GRM7: variants seen among roughly 807,000 people sequenced by gnomAD.
GRM7 encodes metabotropic glutamate receptor 7.
In GRM7, 35 loss-of-function variants were observed where a neutral mutation model predicts 84.5. The ratio of observed to expected loss-of-function variants is 0.41; its 90% CI spans 0.32 to 0.55. The LOEUF (loss-of-function observed/expected upper bound fraction) is 0.55, where lower values mean the gene tolerates loss of function less well. Among genes scored for constraint, GRM7 ranks in the 20% least tolerant of loss-of-function variants. GRM7 has a pLI of 0.19. For missense variants in GRM7, 1,003 were observed against 1,194.6 expected (o/e 0.84, Z 2.36); for synonymous variants, 487 against 455.1 (o/e 1.07, Z -0.89).
At chr3:7,679,599 A>G (rs770319005) in intron 8 of GRM7, among the ~76,000 whole-genome samples, 10 of 152,208 alleles carry the variant, frequency 6.6e-5, no homozygotes, top group South Asian at 2.1e-4. Flanking sequence ...AGAGACATAC[A>G]TTAAGATAAA....
At chr3:7,268,551 C>A (rs761715040) in intron 2 of GRM7, among the ~76,000 whole-genome samples, 41 of 152,180 alleles carry the variant, frequency 2.7e-4, no homozygotes, top group South Asian at 4.1e-4. Flanking sequence ...GTTTTAAGAT[C>A]TAACTGACCT....
At chr3:7,082,738 T>C (rs1038713598) in intron 1 of GRM7, among the ~76,000 whole-genome samples, 1 of 152,098 alleles carries the variant, frequency 6.6e-6, no homozygotes, top group African/African-American at 2.4e-5. Context: ...AAATTCAACA[T>C]GAACAGGAGT....
rs1499078 is a variant in GRM7 at position 7,486,509 on chromosome 3, A to G, written c.1515+24787A>G. 0.38 allele frequency among the ~76,000 whole-genome samples: 58,365 copies of G among 151,738 alleles called. 11,776 individuals carry two copies. Among genetic ancestry groups the G allele is most frequent in the East Asian group, 0.52 (2,676 of 5,126 alleles). On this transcript the variant is annotated intron_variant, in intron 7 of 9. Transcript: ENST00000357716. The surrounding 1 kb of genome is among the most constrained non-coding windows in gnomAD (Gnocchi z 5.5). Reference sequence around the variant, plus strand: ...AATGCAGTCACTGGGAGAGTGAGTGAGTTTTTGCTTTCCTGGACTGGATTA... The same window carrying G: ...AATGCAGTCACTGGGAGAGTGAGTGGGTTTTTGCTTTCCTGGACTGGATTA...
Position 7,578,753 on chromosome 3 carries a change from A to G in GRM7, c.1847A>G (p.Asn616Ser). 6.2e-7 allele frequency: 1 copy of G among 1,614,004 alleles called. No homozygotes were observed. Among genetic ancestry groups the G allele is most frequent in the Non-Finnish European group, 8.5e-7 (1 of 1,179,958 alleles). Residue 616 changes from asparagine to serine, a missense_variant, in exon 8 of 10, where the codon AAT (asparagine) becomes AGT (serine). This residue lies in a region of GRM7 where 910 missense variants were observed against 1,126.0 expected (regional missense o/e 0.81). Transcript: ENST00000357716. ...IFVMATFIRY[N>S]DTPIVRASGR... ...GTCATGGCCACTTTCATCCGCTACA[A>G]TGACACGCCCATTGTCCGGGCATCT...
chr3:7,262,998 G>C (rs1197610660), intron 2 of GRM7, among the ~76,000 whole-genome samples: 3 of 152,222 alleles, frequency 2.0e-5, no homozygotes, highest in African/African-American at 7.2e-5. Context: ...CACCTGGCCT[G>C]GGCTTTTTGA....
chr3:7,392,688 G>A (rs771768326), intron 4 of GRM7, among the ~76,000 whole-genome samples: 44 of 152,240 alleles, frequency 2.9e-4, no homozygotes, highest in Non-Finnish European at 4.4e-4. Context: ...ACTCCTTTTT[G>A]GTTGAGTGGT....
At chr3:7,293,126 A>G (rs138273089) in intron 2 of GRM7, among the ~76,000 whole-genome samples, 30 of 152,266 alleles carry the variant, frequency 2.0e-4, no homozygotes, top group Admixed American at 5.2e-4. Context: ...AGAATCATCA[A>G]TAGAGCTGCA....
intron 2 of GRM7, among the ~76,000 whole-genome samples, chr3:7,149,537 T>C (rs1417059930): frequency 6.6e-6 from 1 of 152,182 alleles, no homozygotes; most frequent in Non-Finnish European, 1.5e-5. Context: ...CTTTTTTCTT[T>C]ACCTGCAGGC....
intron 4 of GRM7, among the ~76,000 whole-genome samples, chr3:7,340,417 A>G (rs537297803): frequency 1.1e-4 from 17 of 152,204 alleles, no homozygotes; most frequent in African/African-American, 3.8e-4. Flanking sequence ...GAGAGTGTGT[A>G]TGGGAAGCAA....
chr3:7,026,587 A>C (rs562424954), intron 1 of GRM7, among the ~76,000 whole-genome samples: 1 of 152,226 alleles, frequency 6.6e-6, no homozygotes, highest in Non-Finnish European at 1.5e-5. Context: ...ACGTAAAAGA[A>C]AAACATCTTC....
chr3:7,374,767 A>G (rs1220717567), intron 4 of GRM7, among the ~76,000 whole-genome samples: 2 of 151,838 alleles, frequency 1.3e-5, no homozygotes, highest in African/African-American at 2.4e-5. Context: ...CTGGGATTAC[A>G]GGCTTGAGCC....
At chr3:7,614,753 A>C (rs2125082720) in intron 8 of GRM7, among the ~76,000 whole-genome samples, 1 of 152,348 alleles carries the variant, frequency 6.6e-6, no homozygotes, top group South Asian at 2.1e-4. Context: ...AATAAAAATT[A>C]TTACTTTCAT....
chr3:7,134,163 A>G (rs1011732901), intron 1 of GRM7, among the ~76,000 whole-genome samples: 6 of 152,220 alleles, frequency 3.9e-5, no homozygotes, highest in African/African-American at 1.4e-4. Context: ...GGATCGTAAG[A>G]TTAGCGTCAT....
chr3:7,610,180 T>G (rs1696785208), intron 8 of GRM7, among the ~76,000 whole-genome samples: 1 of 152,206 alleles, frequency 6.6e-6, no homozygotes, highest in Admixed American at 6.5e-5. Flanking sequence ...AAACTTTAAG[T>G]CTACAGCAGC....
chr3:7,618,670 A>G (rs1417368578), intron 8 of GRM7, among the ~76,000 whole-genome samples: 2 of 152,122 alleles, frequency 1.3e-5, no homozygotes, highest in African/African-American at 2.4e-5. Context: ...ACTGTAACCT[A>G]AAATTCCCCT....
chr3:7,715,179 G>C (rs975772560), intron 9 of GRM7, among the ~76,000 whole-genome samples: 4 of 152,152 alleles, frequency 2.6e-5, no homozygotes, highest in Non-Finnish European at 5.9e-5. Flanking sequence ...AGCAATGGTG[G>C]CTGGGTGCAG....
chr3:6,933,184 G>T (rs1697570279), intron 1 of GRM7, among the ~76,000 whole-genome samples: 1 of 152,204 alleles, frequency 6.6e-6, no homozygotes, highest in South Asian at 2.1e-4. Flanking sequence ...AAGGCTGAAA[G>T]ACAATAGTTA....
At position 7,055,574 on chromosome 3, in the gene GRM7, G is replaced by A. The variant is rs192689437; in HGVS notation, c.520-90878G>A. The stretch of plus-strand genomic sequence containing the variant: ...CTCACTCTGTCACCCAGGCTGGAGT[G>A]CAGTGGCATGATCTTGGCTCACTGC... On this transcript the variant is annotated intron_variant, in intron 1 of 9. Transcript: ENST00000357716. 2.8e-3 allele frequency among the ~76,000 whole-genome samples: 417 copies of A among 151,248 alleles called. 1 individual carries two copies. Among genetic ancestry groups the A allele is most frequent in the Middle Eastern group, 0.017 (5 of 294 alleles).
At chr3:7,104,080 T>TC (rs1182941290) in intron 1 of GRM7, among the ~76,000 whole-genome samples, 1 of 151,468 alleles carries the variant, frequency 6.6e-6, no homozygotes, top group African/African-American at 2.4e-5. Context: ...CTAAATGAGG[T>TC]CATGAGGGTA....
Sources: allele counts gnomAD v4.1 joint callset (sites outside exome capture counted in the v4.1 genomes callset), GRCh38; gene constraint gnomAD v4.1.1; regional missense constraint gnomAD v4.1.1; non-coding constraint Gnocchi (gnomAD v3.1); transcripts MANE v1.5; gene names NCBI Gene and HGNC (gene_info 2026-07-23, HGNC 2026-07-21).